Variants in TAFA5 observed in about 807,000 individuals in gnomAD.
TAFA5 encodes chemokine-like protein TAFA-5.
A neutral mutation model predicts 15.3 loss-of-function variants in TAFA5; 6 were observed. That is an observed-to-expected ratio of 0.39 (90% CI 0.21 to 0.77). The LOEUF (loss-of-function observed/expected upper bound fraction) is 0.77. Among genes scored for constraint, TAFA5 ranks in the 30% least tolerant of loss-of-function variants. The probability of loss-of-function intolerance (pLI) is 0.41; values close to 1 mark genes in which losing one functional copy is unlikely to be tolerated. For synonymous variants in TAFA5, 103 were observed against 80.7 expected (o/e 1.28, Z -1.48); for missense variants, 161 against 193.1 (o/e 0.83, Z 0.98).
intron 3 of TAFA5, among the ~76,000 whole-genome samples, chr22:48,730,976 A>G (rs1211633940): frequency 6.6e-6 from 1 of 152,250 alleles, no homozygotes; most frequent in Non-Finnish European, 1.5e-5. Context: ...TCGAAAGCTG[A>G]GACAGGCTGA....
chr22:48,635,909 G>A (rs1304831340), intron 1 of TAFA5, among the ~76,000 whole-genome samples: 3 of 152,220 alleles, frequency 2.0e-5, no homozygotes, highest in Non-Finnish European at 4.4e-5. Flanking sequence ...GCTTCTGTCG[G>A]ATTTCACAGG....
At chr22:48,737,266 C>A (rs1014876616) in intron 3 of TAFA5, among the ~76,000 whole-genome samples, 3 of 152,230 alleles carry the variant, frequency 2.0e-5, no homozygotes, top group African/African-American at 7.2e-5. Flanking sequence ...AGACAGGGAA[C>A]CTGAGAACGT....
chr22:48,584,502 A>AT (rs1924252245), intron 1 of TAFA5, among the ~76,000 whole-genome samples: 2 of 113,694 alleles, frequency 1.8e-5, no homozygotes, highest in Non-Finnish European at 4.1e-5. Flanking sequence ...CACAAAATAC[A>AT]CCACACACAC....
intron 1 of TAFA5, among the ~76,000 whole-genome samples, chr22:48,609,587 C>T (rs73889168): frequency 0.13 from 19,367 of 152,144 alleles, 1,335 homozygotes; most frequent in African/African-American, 0.17. Flanking sequence ...AGGACGGGGC[C>T]GCCCCCGTTT....
chr22:48,721,004 G>A (rs1342189529), intron 3 of TAFA5, among the ~76,000 whole-genome samples: 1 of 152,154 alleles, frequency 6.6e-6, no homozygotes, highest in African/African-American at 2.4e-5. Context: ...AACCCGAGTG[G>A]CCCCCTCTCC....
rs1420944485 is a variant in TAFA5 at position 48,552,399 on chromosome 22, C to A, written c.112+62695C>A. Among the ~76,000 whole-genome samples the A allele has an allele frequency of 6.6e-6, 1 of 152,108 alleles. No individual in the cohort carries two copies. The highest frequency in any genetic ancestry group is 1.5e-5 in the Non-Finnish European group (1 of 68,008). ...GGGGGTCCCGTTTAGGAAACAAATCCCTCTGCTGATGTAGCTGCTGGCTGA... is the reference window on the plus strand; with the variant it reads ...GGGGGTCCCGTTTAGGAAACAAATCACTCTGCTGATGTAGCTGCTGGCTGA... On this transcript the variant is annotated intron_variant, in intron 1 of 3. Transcript: ENST00000402357. The surrounding 1 kb of genome is among the most constrained non-coding windows in gnomAD (Gnocchi z 4.1).
intron 1 of TAFA5, among the ~76,000 whole-genome samples, chr22:48,507,661 G>A (rs1372446121): frequency 6.6e-6 from 1 of 152,190 alleles, no homozygotes; most frequent in East Asian, 1.9e-4. Flanking sequence ...TGTGCGCTTG[G>A]CCTGCGGAAG....
chr22:48,644,565 T>C (rs1404160272), intron 1 of TAFA5, among the ~76,000 whole-genome samples: 1 of 152,122 alleles, frequency 6.6e-6, no homozygotes, highest in Non-Finnish European at 1.5e-5. Context: ...GTGTTGGGTG[T>C]TGGGATGAGA....
At chr22:48,686,640 A>G (rs1044917496) in intron 2 of TAFA5, among the ~76,000 whole-genome samples, 2 of 152,212 alleles carry the variant, frequency 1.3e-5, no homozygotes, top group African/African-American at 4.8e-5. Context: ...GGATGGATGG[A>G]TGGACAGGTG....
intron 1 of TAFA5, among the ~76,000 whole-genome samples, chr22:48,613,236 C>T (rs1925476658): frequency 1.3e-5 from 2 of 152,198 alleles, no homozygotes; most frequent in Admixed American, 1.3e-4. Context: ...CTCTCTTCAA[C>T]ACAGGTCCTT....
chr22:48,706,697 G>A (rs1032054097), intron 2 of TAFA5, among the ~76,000 whole-genome samples: 12 of 152,172 alleles, frequency 7.9e-5, no homozygotes, highest in African/African-American at 1.9e-4. Context: ...GAATGCCTAC[G>A]TTTTTCAACT....
At chr22:48,506,260 C>G (rs1287730234) in intron 1 of TAFA5, among the ~76,000 whole-genome samples, 2 of 152,224 alleles carry the variant, frequency 1.3e-5, no homozygotes, top group Admixed American at 1.3e-4. Flanking sequence ...GCTGCTCTTT[C>G]AGCACAATCC....
At chr22:48,702,326 G>T (rs1280364196) in intron 2 of TAFA5, among the ~76,000 whole-genome samples, 1 of 152,120 alleles carries the variant, frequency 6.6e-6, no homozygotes, top group Non-Finnish European at 1.5e-5. Flanking sequence ...CCAGGGCCTG[G>T]CTGGGCTGGG....
chr22:48,499,096 TG>T (rs1162192873), intron 1 of TAFA5, among the ~76,000 whole-genome samples: 1 of 152,214 alleles, frequency 6.6e-6, no homozygotes, highest in Non-Finnish European at 1.5e-5. Context: ...AAAGGCTGTC[TG>T]CCGGGAGGGA....
chr22:48,568,591 CATTG>C (rs557176131), intron 1 of TAFA5, among the ~76,000 whole-genome samples: 102 of 152,346 alleles, frequency 6.7e-4, no homozygotes, highest in African/African-American at 2.4e-3. Context: ...GGAAAGAAAA[CATTG>C]ATTGAGACCA....
In TAFA5 at chr22:48,498,284, G is replaced by T. The variant is rs920528729; in HGVS notation, c.112+8580G>T. Among the ~76,000 whole-genome samples the T allele has an allele frequency of 5.3e-5, 8 of 150,370 alleles. No individual in the cohort carries two copies. The East Asian group carries it at 8.0e-4, about 15-fold the overall frequency. On this transcript the variant is annotated intron_variant, in intron 1 of 3. Coordinates refer to ENST00000402357, the MANE Select transcript of TAFA5 (RefSeq NM_001082967.3). The stretch of plus-strand genomic sequence containing the variant: ...AGAGTGGGGTGGGGCCCACCTGGAG[G>T]CGGGGCTGAAGAGTGGGCTGAGGGT...
intron 1 of TAFA5, among the ~76,000 whole-genome samples, chr22:48,541,165 G>A (rs1258984713): frequency 6.6e-6 from 1 of 152,128 alleles, no homozygotes; most frequent in Non-Finnish European, 1.5e-5. Context: ...GAGACACCAG[G>A]ACCCTGTCCT....
intron 2 of TAFA5, among the ~76,000 whole-genome samples, chr22:48,684,898 A>G (rs564057601): frequency 6.6e-6 from 1 of 152,304 alleles, no homozygotes; most frequent in East Asian, 1.9e-4. Context: ...GGCTGTGTTG[A>G]CCAAGAAGCC....
At chr22:48,549,982 G>T (rs1266819387) in intron 1 of TAFA5, among the ~76,000 whole-genome samples, 3 of 152,212 alleles carry the variant, frequency 2.0e-5, no homozygotes, top group Non-Finnish European at 4.4e-5. Context: ...ACTCATCCCT[G>T]AGGCCACCCT....
Sources: gnomAD v4.1 joint callset for allele counts (sites outside exome capture counted in the v4.1 genomes callset) on GRCh38, gnomAD v4.1.1 for gene constraint, Gnocchi (gnomAD v3.1) non-coding constraint, MANE v1.5 for transcripts, NCBI Gene and HGNC (gene_info 2026-07-23, HGNC 2026-07-21) for gene names.